Variants in HSD11B1 observed in about 807,000 individuals in gnomAD.
HSD11B1 encodes 11-beta-hydroxysteroid dehydrogenase 1.
HSD11B1 carries 15 observed loss-of-function variants against 22.1 expected under a neutral mutation model. The observed-to-expected ratio is 0.68, with a 90% confidence interval of 0.45 to 1.04. The LOEUF is 1.04. Ranked by LOEUF, HSD11B1 falls within the 50% of genes least tolerant of loss-of-function variation. The pLI is 0.00. For missense variants in HSD11B1, 281 were observed against 357.6 expected, an observed-to-expected ratio of 0.79 and a Z score of 1.73; for synonymous variants, 122 against 125.2, an observed-to-expected ratio of 0.97 and a Z score of 0.17.
At chr1:209,718,631 T>G (rs1028120731) in intron 4 of HSD11B1, among the ~76,000 whole-genome samples, 24 of 152,150 alleles carry the variant, frequency 1.6e-4, no homozygotes, top group South Asian at 6.2e-4. Context: ...TTGATGGGAA[T>G]GTAAAATGGT....
At chr1:209,715,666 G>C (rs1047955084) in intron 4 of HSD11B1, among the ~76,000 whole-genome samples, 6 of 152,136 alleles carry the variant, frequency 3.9e-5, no homozygotes, top group African/African-American at 1.4e-4. Context: ...TGCAACAATA[G>C]GAAATAAGTC....
At chr1:209,694,464 C>T (rs1469719168) in intron 1 of HSD11B1, among the ~76,000 whole-genome samples, 1 of 152,170 alleles carries the variant, frequency 6.6e-6, no homozygotes, top group Non-Finnish European at 1.5e-5. Context: ...TTCTGGTCCC[C>T]AGCATTCCCT....
rs12040780 is a variant in HSD11B1, at chr1:209,706,501, T to G, written c.220-208T>G. Among the ~76,000 whole-genome samples the G allele has an allele frequency of 0.096, 14,648 of 152,188 alleles. 2,130 individuals carry two copies. Among genetic ancestry groups the G allele is most frequent in the African/African-American group, 0.31 (12,976 of 41,456 alleles). The stretch of plus-strand genomic sequence containing the variant: ...CCCAGCACTGGGATGATTTATCCAT[T>G]TGAACCCCACCAAGTTCCAGAAAAT... On this transcript the variant is annotated intron_variant, in intron 2 of 5. Coordinates refer to ENST00000367027, the MANE Select transcript of HSD11B1 (RefSeq NM_005525.4). The surrounding 1 kb of genome is among the most constrained non-coding windows in gnomAD (Gnocchi z 4.0).
intron 4 of HSD11B1, among the ~76,000 whole-genome samples, chr1:209,711,521 A>G (rs1486355609): frequency 6.6e-6 from 1 of 152,194 alleles, no homozygotes; most frequent in East Asian, 1.9e-4. Flanking sequence ...GTGTTTATCC[A>G]TGTGAACGTA....
At chr1:209,698,579 G>A (rs1392247282) in intron 1 of HSD11B1, among the ~76,000 whole-genome samples, 1 of 152,194 alleles carries the variant, frequency 6.6e-6, no homozygotes, top group Non-Finnish European at 1.5e-5. Flanking sequence ...TGCTGCCAAT[G>A]TTTCAACAGA....
intron 1 of HSD11B1, among the ~76,000 whole-genome samples, chr1:209,694,112 G>A (rs539155413): frequency 6.6e-6 from 1 of 152,206 alleles, no homozygotes; most frequent in East Asian, 1.9e-4. Context: ...GTCCCTGGTG[G>A]CTTCATCTAC....
intron 1 of HSD11B1, among the ~76,000 whole-genome samples, chr1:209,695,998 A>G (rs2076789020): frequency 6.6e-6 from 1 of 152,234 alleles, no homozygotes; most frequent in Non-Finnish European, 1.5e-5. Context: ...ATGGATCAAC[A>G]AAATGTGGTA....
In HSD11B1 at chr1:209,731,775, C is replaced by T. The variant is rs767899564; in HGVS notation, c.518-661C>T. On this transcript the variant is annotated intron_variant, in intron 4 of 5. Coordinates refer to ENST00000367027, the MANE Select transcript of HSD11B1 (RefSeq NM_005525.4). ...TGTCACCCAAGCTGCAGTGCGGTGG[C>T]GCGATCTCAGCTCACTGCAACTTCC... 4.8e-4 allele frequency among the ~76,000 whole-genome samples: 73 copies of T among 152,192 alleles called. 1 individual carries two copies. The highest frequency in any genetic ancestry group is 9.3e-4 in the Non-Finnish European group (63 of 67,994).
At chr1:209,732,317 A>C in intron 4 of HSD11B1, 119 bp from the exon 5 acceptor site, 1 of 1,053,750 alleles carries the variant, frequency 9.5e-7, no homozygotes, top group Non-Finnish European at 1.5e-6. Flanking sequence ...TGGGGAATAT[A>C]GAGAAACTAA....
chr1:209,730,747 C>G (rs932004179), intron 4 of HSD11B1, among the ~76,000 whole-genome samples: 1 of 152,176 alleles, frequency 6.6e-6, no homozygotes, highest in Non-Finnish European at 1.5e-5. Context: ...ATAACCCATC[C>G]TTTCTTCATT....
At chr1:209,699,409 G>T (rs1021980119) in intron 1 of HSD11B1, among the ~76,000 whole-genome samples, 6 of 152,166 alleles carry the variant, frequency 3.9e-5, no homozygotes, top group Non-Finnish European at 8.8e-5. Context: ...CATGGCAGCA[G>T]TAAGAGTAAA....
chr1:209,688,410 C>T (rs763804917), intron 1 of HSD11B1, among the ~76,000 whole-genome samples: 4 of 152,186 alleles, frequency 2.6e-5, no homozygotes, highest in Non-Finnish European at 5.9e-5. Flanking sequence ...ATGGTGAGCT[C>T]TGACTTACTT....
chr1:209,722,944 G>A (rs1278494126), intron 4 of HSD11B1, among the ~76,000 whole-genome samples: 1 of 152,192 alleles, frequency 6.6e-6, no homozygotes, highest in Non-Finnish European at 1.5e-5. Flanking sequence ...ACGAAAGCAT[G>A]TAGGCCTCCT....
chr1:209,718,213 A>AC (rs1189517443), intron 4 of HSD11B1, among the ~76,000 whole-genome samples: 2 of 152,190 alleles, frequency 1.3e-5, no homozygotes, highest in Non-Finnish European at 2.9e-5. Context: ...TATGTATTGT[A>AC]CATTTCAAAA....
At chr1:209,709,535 A>G (rs924306147) in intron 4 of HSD11B1, among the ~76,000 whole-genome samples, 1 of 152,194 alleles carries the variant, frequency 6.6e-6, no homozygotes, top group Non-Finnish European at 1.5e-5. Context: ...ATCTAAATTT[A>G]TTTATCTCAC....
intron 1 of HSD11B1, among the ~76,000 whole-genome samples, chr1:209,690,558 A>G (rs1004891438): frequency 3.3e-5 from 5 of 151,998 alleles, no homozygotes; most frequent in African/African-American, 1.2e-4. Context: ...TTAGCCGAGC[A>G]TGGTGGTGCA....
Position 209,715,050 on chromosome 1 carries a change from C to A in HSD11B1, c.517+7922C>A, listed in dbSNP as rs142035619. 8.5e-4 allele frequency among the ~76,000 whole-genome samples: 129 copies of A among 152,294 alleles called. 1 individual carries two copies. In the East Asian group the frequency reaches 0.024, roughly 28 times the overall value. On this transcript the variant is annotated intron_variant, in intron 4 of 5. Coordinates refer to ENST00000367027, the MANE Select transcript of HSD11B1 (RefSeq NM_005525.4). Reference sequence around the variant, plus strand: ...TAGGGTAAAGAAGGCATTCACCAGGCATTCATGTAGCCTGGCACTGGGGTG... The same window carrying A: ...TAGGGTAAAGAAGGCATTCACCAGGAATTCATGTAGCCTGGCACTGGGGTG...
chr1:209,730,398 G>C (rs919633931), intron 4 of HSD11B1, among the ~76,000 whole-genome samples: 1 of 152,054 alleles, frequency 6.6e-6, no homozygotes. Context: ...AAAGGAGAAG[G>C]GCAAAATGTA....
intron 4 of HSD11B1, among the ~76,000 whole-genome samples, chr1:209,727,797 C>T (rs1159739277): frequency 1.3e-5 from 2 of 152,198 alleles, no homozygotes; most frequent in Non-Finnish European, 2.9e-5. Context: ...TGTGTTTGCT[C>T]CATATGCTTG....
Sources: gnomAD v4.1 joint callset for allele counts (sites outside exome capture counted in the v4.1 genomes callset) on GRCh38, gnomAD v4.1.1 for gene constraint, Gnocchi (gnomAD v3.1) non-coding constraint, MANE v1.5 for transcripts, NCBI Gene and HGNC (gene_info 2026-07-23, HGNC 2026-07-21) for gene names.